GUCY1A2: variants seen among roughly 807,000 people sequenced by gnomAD.
GUCY1A2 encodes guanylate cyclase 1 soluble subunit alpha 2.
GUCY1A2 carries 27 observed loss-of-function variants against 63.5 expected under a neutral mutation model. That is an observed-to-expected ratio of 0.43 (90% CI 0.31 to 0.59). The LOEUF is 0.59. Ranked by LOEUF, GUCY1A2 falls within the 20% of genes least tolerant of loss-of-function variation. GUCY1A2 has a pLI of 0.11. For missense variants in GUCY1A2, 768 were observed against 913.3 expected, an observed-to-expected ratio of 0.84 and a Z score of 2.05; for synonymous variants, 364 against 343.5, an observed-to-expected ratio of 1.06 and a Z score of -0.66.
At chr11:106,735,596 G>C (rs1220829053) in intron 6 of GUCY1A2, among the ~76,000 whole-genome samples, 1 of 152,146 alleles carries the variant, frequency 6.6e-6, no homozygotes, top group African/African-American at 2.4e-5. Context: ...ATAAACATGG[G>C]AGTGCAGTTA....
chr11:106,880,382 GT>G (rs903229287), intron 4 of GUCY1A2, among the ~76,000 whole-genome samples: 8 of 151,906 alleles, frequency 5.3e-5, no homozygotes, highest in Admixed American at 2.0e-4. Context: ...AAGACTGCAT[GT>G]TTTTTTACAA....
At chr11:106,934,073 A>C (rs1860643015) in intron 4 of GUCY1A2, among the ~76,000 whole-genome samples, 1 of 152,202 alleles carries the variant, frequency 6.6e-6, no homozygotes. Context: ...AAACCCATAC[A>C]TGTACCCACT....
At chr11:106,751,071 C>T (rs1863874649) in intron 6 of GUCY1A2, among the ~76,000 whole-genome samples, 1 of 152,030 alleles carries the variant, frequency 6.6e-6, no homozygotes, top group African/African-American at 2.4e-5. Flanking sequence ...TTAAGAATAC[C>T]ATTTTAATGG....
At chr11:106,921,481 A>G (rs1440267747) in intron 4 of GUCY1A2, among the ~76,000 whole-genome samples, 1 of 152,158 alleles carries the variant, frequency 6.6e-6, no homozygotes, top group Non-Finnish European at 1.5e-5. Flanking sequence ...TTTACTAAAA[A>G]TGTGCTTTAA....
intron 4 of GUCY1A2, among the ~76,000 whole-genome samples, chr11:106,881,896 T>C (rs1337931924): frequency 6.6e-6 from 1 of 151,992 alleles, no homozygotes; most frequent in Non-Finnish European, 1.5e-5. Flanking sequence ...CATAAATGAC[T>C]AGGCAATGAT....
chr11:107,017,691 C>A, intron 1 of GUCY1A2, 62 bp downstream of exon 1: 1 of 1,075,990 alleles, frequency 9.3e-7, no homozygotes, highest in Admixed American at 3.6e-5. Context: ...TCGCCCAGCG[C>A]CAACTTTACA....
At chr11:106,727,135 A>C (rs111446536) in intron 6 of GUCY1A2, among the ~76,000 whole-genome samples, 119 of 152,312 alleles carry the variant, frequency 7.8e-4, no homozygotes, top group African/African-American at 2.6e-3. Flanking sequence ...TTGAAGTATG[A>C]GGTAAAGTGT....
intron 4 of GUCY1A2, among the ~76,000 whole-genome samples, chr11:106,854,640 T>C (rs1028774512): frequency 5.3e-5 from 8 of 152,124 alleles, no homozygotes; most frequent in African/African-American, 1.9e-4. Flanking sequence ...AGGCCTGCCC[T>C]CAGGGCCCCG....
intron 3 of GUCY1A2, among the ~76,000 whole-genome samples, chr11:106,950,420 A>G (rs1860890168): frequency 6.6e-6 from 1 of 152,228 alleles, no homozygotes; most frequent in African/African-American, 2.4e-5. Flanking sequence ...GAGCTGCAGG[A>G]GCACCTGCTT....
chr11:106,970,714 C>G (rs369885552), intron 3 of GUCY1A2, among the ~76,000 whole-genome samples: 2 of 152,094 alleles, frequency 1.3e-5, no homozygotes, highest in African/African-American at 2.4e-5. Flanking sequence ...CAATTGCACT[C>G]CTAAGTATTT....
intron 6 of GUCY1A2, among the ~76,000 whole-genome samples, chr11:106,735,994 A>G (rs1034767834): frequency 1.3e-5 from 2 of 151,378 alleles, no homozygotes; most frequent in South Asian, 2.1e-4. Context: ...TTTTTTTCCT[A>G]TTGAGTTGTT....
chr11:106,871,873 A>G (rs1859683439), intron 4 of GUCY1A2, among the ~76,000 whole-genome samples: 1 of 152,198 alleles, frequency 6.6e-6, no homozygotes, highest in South Asian at 2.1e-4. Context: ...AGACAGGAAA[A>G]TATTAGCTGG....
chr11:106,853,398 T>C (rs1237434232), intron 4 of GUCY1A2, among the ~76,000 whole-genome samples: 1 of 152,196 alleles, frequency 6.6e-6, no homozygotes, highest in African/African-American at 2.4e-5. Flanking sequence ...GGAAGCTCTA[T>C]CTTCAAGTTT....
intron 1 of GUCY1A2, among the ~76,000 whole-genome samples, chr11:107,011,431 G>A (rs1413789804): frequency 6.6e-6 from 1 of 150,586 alleles, no homozygotes; most frequent in Non-Finnish European, 1.5e-5. Flanking sequence ...TAGCACTCAA[G>A]TACTTCACCT....
In GUCY1A2 at chr11:106,928,818, C is replaced by T. The variant is rs545899658; in HGVS notation, c.1206+10642G>A. 1.5e-4 allele frequency among the ~76,000 whole-genome samples: 23 copies of T among 152,250 alleles called. No homozygotes were observed. The East Asian group carries it at 3.3e-3, about 22-fold the overall frequency. On this transcript the variant is annotated intron_variant, in intron 4 of 7. Coordinates refer to ENST00000526355, the MANE Select transcript of GUCY1A2 (RefSeq NM_000855.3). ...AACATTGAAAAGGTATGATAAAATA[C>T]GGCTTTACAATCCTATGGGACCACT...
chr11:106,826,605 T>G, intron 4 of GUCY1A2: 1 of 1,604,114 alleles, frequency 6.2e-7, no homozygotes, highest in East Asian at 2.2e-5. Context: ...GATCTGAACC[T>G]AAGCCCTGTG....
chr11:106,828,117 G>A (rs1251112713), intron 4 of GUCY1A2, among the ~76,000 whole-genome samples: 1 of 151,990 alleles, frequency 6.6e-6, no homozygotes, highest in African/African-American at 2.4e-5. Context: ...TTTGTTGGAG[G>A]CATAATTCGC....
intron 4 of GUCY1A2, among the ~76,000 whole-genome samples, chr11:106,889,883 G>A (rs551329978): frequency 1.3e-5 from 2 of 152,228 alleles, no homozygotes; most frequent in South Asian, 2.1e-4. Flanking sequence ...GTTCTTTAAT[G>A]CTGATTTTTA....
intron 6 of GUCY1A2, among the ~76,000 whole-genome samples, chr11:106,718,189 T>G (rs1004497771): frequency 6.6e-6 from 1 of 152,190 alleles, no homozygotes; most frequent in African/African-American, 2.4e-5. Context: ...TAAATTTAAC[T>G]TTACAGAAAG....
Sources: gnomAD v4.1 joint callset for allele counts (sites outside exome capture counted in the v4.1 genomes callset) on GRCh38, gnomAD v4.1.1 for gene constraint, MANE v1.5 for transcripts, NCBI Gene and HGNC (gene_info 2026-07-23, HGNC 2026-07-21) for gene names.